Variants in INSRR observed in about 807,000 individuals in gnomAD.
The protein encoded by INSRR is insulin receptor-related protein.
Under a neutral mutation model 130.0 loss-of-function variants are expected in INSRR, and 114 were observed. The ratio of observed to expected loss-of-function variants is 0.88; its 90% CI spans 0.75 to 1.02. INSRR has a LOEUF of 1.02. Ranked by LOEUF, INSRR falls within the 50% of genes least tolerant of loss-of-function variation. The probability of loss-of-function intolerance (pLI) is 0.00; values close to 1 mark genes in which losing one functional copy is unlikely to be tolerated. For synonymous variants in INSRR, 674 were observed against 705.2 expected (o/e 0.96, Z 0.70); for missense variants, 1,657 against 1,735.2 (o/e 0.95, Z 0.80).
rs757756233 is a variant in INSRR at position 156,843,162 on chromosome 1, A to G, written c.2968T>C (p.Phe990Leu). 6.3e-5 allele frequency: 102 copies of G among 1,613,920 alleles called. No homozygotes were observed. Among genetic ancestry groups the G allele is most frequent in the Non-Finnish European group, 8.1e-5 (96 of 1,180,038 alleles). ...GCCAGCCCCTCATATACCATCCCAA[A>G]AGAGCCCTGGCCCAGTTCCCGGATT... ...SIIRELGQGSFGMVYEGLARG... is the reference protein window; with the variant it reads ...SIIRELGQGSLGMVYEGLARG... Residue 990 changes from phenylalanine (F) to leucine (L), a missense_variant, in exon 17 of 22, where the codon TTT becomes CTT. Coordinates refer to ENST00000368195, the MANE Select transcript of INSRR (RefSeq NM_014215.3).
chr1:156,840,428 A>G lies in INSRR; in HGVS notation c.*445T>C, dbSNP rs544617613. The G allele has an allele frequency of 1.7e-3, 186 of 110,724 alleles. 2 individuals carry two copies. The highest frequency in any genetic ancestry group is 4.5e-3 in the Middle Eastern group (1 of 220). 6.9% of individuals were successfully genotyped at this position (110,724 alleles called of 1,614,324 possible). On this transcript the variant is annotated 3_prime_UTR_variant, in exon 22 of 22. Transcript: ENST00000368195. ...AGTGGCAAGCAAGGCAGTCATGTGG[A>G]GCCCCACCCCCCTCCCATACATGCA...
In INSRR at chr1:156,858,537, C is replaced by T; in HGVS notation, c.85G>A (p.Val29Met). Residue 29 changes from valine to methionine, a missense_variant and splice_region_variant, in exon 1 of 22, where the codon GTG (valine) becomes ATG (methionine). Coordinates refer to ENST00000368195, the MANE Select transcript of INSRR (RefSeq NM_014215.3). ...CTGGGAGCCAGTTCTGGGGACTCAC[C>T]CTCTACTGTATCCAGGCCAAATCCC... The part of the protein sequence containing the change: ...SLGFGLDTVE[V>M]CPSLDIRSEV... 6.2e-7 allele frequency: 1 copy of T among 1,612,908 alleles called. No individual in the cohort carries two copies.
chr1:156,855,545 G>C (rs1655379566), intron 1 of INSRR, among the ~76,000 whole-genome samples: 1 of 152,122 alleles, frequency 6.6e-6, no homozygotes, highest in Non-Finnish European at 1.5e-5. Flanking sequence ...TTCACTGGCT[G>C]GGTGCAGTGG....
At chr1:156,849,946 A>C (rs1473586421) in intron 5 of INSRR, among the ~76,000 whole-genome samples, 2 of 151,344 alleles carry the variant, frequency 1.3e-5, no homozygotes, top group Admixed American at 6.6e-5. Context: ...TCTGTCATCC[A>C]GGCCAGAGTG....
Position 156,841,459 on chromosome 1 carries a change from C to G in INSRR, c.3597G>C (p.Glu1199Asp). 2 of 1,613,972 alleles carry G rather than the reference C, an allele frequency of 1.2e-6. No individual in the cohort carries two copies. Among genetic ancestry groups the G allele is most frequent in the Non-Finnish European group, 1.7e-6 (2 of 1,179,926 alleles). Residue 1199 changes from glutamate (E) to aspartate (D), a missense_variant, in exon 21 of 22, where the codon GAG (glutamate) becomes GAC (aspartate). Coordinates refer to ENST00000368195, the MANE Select transcript of INSRR (RefSeq NM_014215.3). ...AEQPYQGLSNEQVLKFVMDGG... is the reference protein window; with the variant it reads ...AEQPYQGLSNDQVLKFVMDGG... ...CATCCATGACGAACTTCAGCACCTG[C>G]TCATTGGACAGGCCCTGGTAGGGTT...
At chr1:156,848,241 T>TA (rs1655079291) in intron 7 of INSRR, among the ~76,000 whole-genome samples, 1 of 152,088 alleles carries the variant, frequency 6.6e-6, no homozygotes, top group African/African-American at 2.4e-5. Flanking sequence ...AGCTAAGTCC[T>TA]CTCCATTTTA....
intron 1 of INSRR, among the ~76,000 whole-genome samples, chr1:156,856,721 TTGTGCCCAG>T (rs1571676201): frequency 6.6e-6 from 1 of 152,180 alleles, no homozygotes; most frequent in African/African-American, 2.4e-5. Context: ...TTTCCCCCAG[TTGTGCCCAG>T]TCCAGGGCTG....
Position 156,840,548 on chromosome 1 carries a change from G to T in INSRR, c.*325C>A. 1 of 375,286 alleles carries T rather than the reference G, an allele frequency of 2.7e-6. No individual in the cohort carries two copies. Among genetic ancestry groups the T allele is most frequent in the Non-Finnish European group, 5.0e-6 (1 of 200,742 alleles). The allele number at this position is 375,286 out of a possible 1,614,324, so 23.2% of individuals were successfully genotyped here. ...AGAGGAGACCCCAAACTGAGGGGCA[G>T]GGCCTCTAGGGTGGGCGGGCCCCCT... On this transcript the variant is annotated 3_prime_UTR_variant, in exon 22 of 22. Transcript: ENST00000368195.
chr1:156,845,095 A>G lies in INSRR; in HGVS notation c.2418T>C (p.Phe806=). The change falls in exon 12 of 22, where the codon TTT becomes TTC. Residue 806 remains phenylalanine, a synonymous_variant. Transcript: ENST00000368195. The part of the protein sequence containing the change: ...TVGCSAATFV[F]ARTMPHREAD... ...ACCTACTGTGGGGCATGGTGCGCGC[A>G]AAGACGAAGGTGGCGGCGCTGCAGC... 1 of 1,609,788 alleles carries G rather than the reference A, an allele frequency of 6.2e-7. No individual in the cohort carries two copies. Among genetic ancestry groups the G allele is most frequent in the Non-Finnish European group, 8.5e-7 (1 of 1,178,522 alleles).
intron 2 of INSRR, 132 bp from the exon 3 acceptor site, chr1:156,852,323 A>T: frequency 1.1e-6 from 1 of 879,936 alleles, no homozygotes; most frequent in Non-Finnish European, 1.7e-6. Flanking sequence ...TTCAGATGAC[A>T]CTGGTTGCCG....
At chr1:156,855,176 T>TTACCTATCTATCTATC (rs1655362894) in intron 1 of INSRR, among the ~76,000 whole-genome samples, 1 of 143,462 alleles carries the variant, frequency 7.0e-6, no homozygotes, top group African/African-American at 2.6e-5. Context: ...CCATCCAATT[T>TTACCTATCTATCTATC]TATCTATCTA....
In INSRR at chr1:156,852,136, G is replaced by C. The variant is rs778753284; in HGVS notation, c.693C>G (p.Thr231=). ...ACTARGECCH[T]ECLGGCSQPE... Reference sequence around the variant, plus strand: ...GCTGGCTGCAGCCCCCCAGGCATTCGGTGTGGCAGCACTCGCCCCTCGCTG... The same window carrying C: ...GCTGGCTGCAGCCCCCCAGGCATTCCGTGTGGCAGCACTCGCCCCTCGCTG... The change falls in exon 3 of 22, where the codon ACC becomes ACG. Residue 231 remains threonine, a synonymous_variant. Transcript: ENST00000368195. The C allele has an allele frequency of 6.2e-7, 1 of 1,612,980 alleles. No homozygotes were observed. The highest frequency in any genetic ancestry group is 1.7e-5 in the Admixed American group (1 of 59,982).
At position 156,851,998 on chromosome 1, in the gene INSRR, A is replaced by T. The variant is rs1480681694; in HGVS notation, c.831T>A (p.Ala277=). The change falls in exon 3 of 22, where the codon GCT becomes GCA. Residue 277 remains alanine (A), a synonymous_variant. Coordinates refer to ENST00000368195, the MANE Select transcript of INSRR (RefSeq NM_014215.3). ...YQYESWRCVT[A]ERCASLHSVP... ...CAGAGTGCAGGCTGGCACAGCGCTCAGCTGTGACACAGCGCCAGGACTCAT... is the reference window on the plus strand; with the variant it reads ...CAGAGTGCAGGCTGGCACAGCGCTCTGCTGTGACACAGCGCCAGGACTCAT... 6.2e-7 allele frequency: 1 copy of T among 1,612,412 alleles called. No homozygotes were observed. Among genetic ancestry groups the T allele is most frequent in the Non-Finnish European group, 8.5e-7 (1 of 1,179,008 alleles).
chr1:156,845,251 C>T lies in INSRR; in HGVS notation c.2262G>A (p.Gly754=). 2 of 1,611,470 alleles carry T rather than the reference C, an allele frequency of 1.2e-6. No homozygotes were observed. Among genetic ancestry groups the T allele is most frequent in the Non-Finnish European group, 1.7e-6 (2 of 1,178,990 alleles). Residue 754 remains glycine, a synonymous_variant, in exon 12 of 22, where the codon GGG becomes GGA. Coordinates refer to ENST00000368195, the MANE Select transcript of INSRR (RefSeq NM_014215.3). ...HRRAAGPLRL[G]GNSSDFEIQE... Reference sequence around the variant, plus strand: ...GGATCTCGAAATCCGAGCTGTTGCCCCCCAGCCGGAGGGGCCCAGCTGCCC... The same window carrying T: ...GGATCTCGAAATCCGAGCTGTTGCCTCCCAGCCGGAGGGGCCCAGCTGCCC...
chr1:156,851,250 G>C, intron 5 of INSRR, 40 bp downstream of exon 5: 1 of 1,611,238 alleles, frequency 6.2e-7, no homozygotes, highest in Non-Finnish European at 8.5e-7. Context: ...TTGGAGGAAG[G>C]AGTGTAATAG....
chr1:156,855,267 A>T (rs1342382273), intron 1 of INSRR, among the ~76,000 whole-genome samples: 1 of 151,912 alleles, frequency 6.6e-6, no homozygotes, highest in Non-Finnish European at 1.5e-5. Context: ...GCAGTGGCAC[A>T]ATCTCAGCTC....
Position 156,851,912 on chromosome 1 carries a change from GA to G in INSRR, c.916del (p.Ser306LeufsTer25), listed in dbSNP as rs1217924780. 6.3e-7 allele frequency: 1 copy of G among 1,591,924 alleles called. No homozygotes were observed. Among genetic ancestry groups the G allele is most frequent in the Admixed American group, 1.7e-5 (1 of 58,974 alleles). ...CCTGCTGCTATTACGGGTGAAGCCAGAAGGGCACTGGGCCAGGCAACTGCCC... is the reference window on the plus strand; with the variant it reads ...CCTGCTGCTATTACGGGTGAAGCCAGAGGGCACTGGGCCAGGCAACTGCCC... Reference protein sequence around the residue: ...HQGSCLAQCPSGFTRNSSSIF... With the variant: ...HQGSCLAQCPXGFTRNSSSIF... On this transcript the variant is annotated frameshift_variant, in exon 3 of 22. Coordinates refer to ENST00000368195, the MANE Select transcript of INSRR (RefSeq NM_014215.3). LOFTEE classifies it high-confidence loss of function.
At chr1:156,847,629 T>A (rs1467204345) in intron 7 of INSRR, among the ~76,000 whole-genome samples, 1 of 151,932 alleles carries the variant, frequency 6.6e-6, no homozygotes, top group Non-Finnish European at 1.5e-5. Flanking sequence ...AGTGCCTGCC[T>A]TTGTTGGGAC....
chr1:156,844,700 C>T lies in INSRR; in HGVS notation c.2574+7G>A. On this transcript the variant is annotated splice_region_variant and intron_variant, in intron 13 of 21. Transcript: ENST00000368195. Reference sequence around the variant, plus strand: ...GGGGCTGGGACGGGGGTCCCACGGGCACCTACCTCTCCCAAGCGGCGGTAC... The same window carrying T: ...GGGGCTGGGACGGGGGTCCCACGGGTACCTACCTCTCCCAAGCGGCGGTAC... The T allele has an allele frequency of 6.2e-7, 1 of 1,614,116 alleles. No individual in the cohort carries two copies. The highest frequency in any genetic ancestry group is 8.5e-7 in the Non-Finnish European group (1 of 1,179,998).
Sources: allele counts gnomAD v4.1 joint callset (sites outside exome capture counted in the v4.1 genomes callset), GRCh38; gene constraint gnomAD v4.1.1; transcripts MANE v1.5; gene names NCBI Gene and HGNC (gene_info 2026-07-23, HGNC 2026-07-21).